Variants in NUBP1 observed in about 807,000 individuals in gnomAD.
NUBP1 encodes cytosolic Fe-S cluster assembly factor NUBP1.
A neutral mutation model predicts 41.8 loss-of-function variants in NUBP1; 46 were observed. The ratio of observed to expected loss-of-function variants is 1.10; its 90% CI spans 0.87 to 1.41. The LOEUF is 1.41. NUBP1 is among the 40% of genes most tolerant of loss of function. The pLI, the probability that NUBP1 is intolerant of heterozygous loss-of-function variation, is 0.00. For missense variants in NUBP1, 494 were observed against 414.0 expected, an observed-to-expected ratio of 1.19 and a Z score of -1.68; for synonymous variants, 189 against 154.6, an observed-to-expected ratio of 1.22 and a Z score of -1.65.
chr16:10,752,068 C>T (rs1489189113), intron 3 of NUBP1, among the ~76,000 whole-genome samples: 1 of 152,178 alleles, frequency 6.6e-6, no homozygotes, highest in Non-Finnish European at 1.5e-5. Context: ...GCACCCAGCC[C>T]CCAATATTTT....
Position 10,767,877 on chromosome 16 carries a change from G to A in NUBP1, c.821-72G>A. On this transcript the variant is annotated intron_variant, in intron 9 of 10. Coordinates refer to ENST00000283027, the MANE Select transcript of NUBP1 (RefSeq NM_002484.4). This position sits in a 1 kb window ranked among gnomAD's most constrained non-coding sequence, Gnocchi z 4.6. ...CTTCCCATTGTCACCAGCACGGAAA[G>A]AGCCCCAAGATCTTGTGGCCATTCT... The A allele has an allele frequency of 1.4e-6, 2 of 1,379,484 alleles. No individual in the cohort carries two copies. The highest frequency in any genetic ancestry group is 2.3e-5 in the South Asian group (2 of 86,102). The allele number at this position is 1,379,484 out of a possible 1,614,324, so 85.5% of individuals were successfully genotyped here. A position where few individuals can be genotyped will look rare whatever the true frequency, so the allele number is the denominator to read the frequency against.
In NUBP1 at chr16:10,766,681, A is replaced by C. The variant is rs1465194847; in HGVS notation, c.821-1268A>C. On this transcript the variant is annotated intron_variant, in intron 9 of 10. Coordinates refer to ENST00000283027, the MANE Select transcript of NUBP1 (RefSeq NM_002484.4). This position sits in a 1 kb window ranked among gnomAD's most constrained non-coding sequence, Gnocchi z 4.8. Reference sequence around the variant, plus strand: ...ATTGGACAAAACGCACAAAGAAAGGAAGGAAGGAAGGGATTTATTGAAAAT... The same window carrying C: ...ATTGGACAAAACGCACAAAGAAAGGCAGGAAGGAAGGGATTTATTGAAAAT... 1 of 341,576 alleles carries C rather than the reference A, an allele frequency of 2.9e-6. No homozygotes were observed. Among genetic ancestry groups the C allele is most frequent in the Non-Finnish European group, 5.2e-6 (1 of 190,774 alleles). The allele number at this position is 341,576 out of a possible 1,614,324, so 21.2% of individuals were successfully genotyped here.
rs966896387 is a variant in NUBP1, at chr16:10,769,232, C to T, written c.*127C>T. 2.1e-5 allele frequency: 15 copies of T among 721,630 alleles called. No individual in the cohort carries two copies. Among genetic ancestry groups the T allele is most frequent in the Non-Finnish European group, 3.1e-5 (13 of 419,414 alleles). 44.7% of individuals were successfully genotyped at this position (721,630 alleles called of 1,614,324 possible). ...AAAAGGACCAGATGCTGGTGTGGTC[C>T]GAAGCCACTTTCTCAGAGACACTTT... On this transcript the variant is annotated 3_prime_UTR_variant, in exon 11 of 11. Coordinates refer to ENST00000283027, the MANE Select transcript of NUBP1 (RefSeq NM_002484.4).
chr16:10,756,864 G>T (rs752387444), intron 6 of NUBP1, 84 bp downstream of exon 6: 23 of 1,073,152 alleles, frequency 2.1e-5, no homozygotes, highest in Non-Finnish European at 1.8e-5. Context: ...TGTCCTGCCA[G>T]TCTCAGCCTG....
intron 3 of NUBP1, among the ~76,000 whole-genome samples, chr16:10,750,234 T>C (rs1900258203): frequency 6.6e-6 from 1 of 152,134 alleles, no homozygotes; most frequent in South Asian, 2.1e-4. Flanking sequence ...CCAACTTCCA[T>C]AAATTAAACT....
At chr16:10,752,313 G>C (rs1242567272) in intron 3 of NUBP1, among the ~76,000 whole-genome samples, 2 of 152,126 alleles carry the variant, frequency 1.3e-5, no homozygotes, top group African/African-American at 2.4e-5. Context: ...CCTCCAACCA[G>C]GGCTCAGTAA....
rs758741535 is a variant in NUBP1 at position 10,767,935 on chromosome 16, G to A, written c.821-14G>A. 1 of 1,613,600 alleles carries A rather than the reference G, an allele frequency of 6.2e-7. No homozygotes were observed. The highest frequency in any genetic ancestry group is 1.7e-5 in the Admixed American group (1 of 60,016). ...TCTTGGACTGAATTGTCTTCCGTTT[G>A]TTTCTTTTTTAAGGTAAGAATTGTG... On this transcript the variant is annotated splice_polypyrimidine_tract_variant and intron_variant, in intron 9 of 10. Coordinates refer to ENST00000283027, the MANE Select transcript of NUBP1 (RefSeq NM_002484.4). This position sits in a 1 kb window ranked among gnomAD's most constrained non-coding sequence, Gnocchi z 4.6.
chr16:10,747,061 T>C (rs1409967058), intron 2 of NUBP1, 82 bp from the exon 3 acceptor site: 4 of 1,552,356 alleles, frequency 2.6e-6, no homozygotes, highest in Non-Finnish European at 3.5e-6. Context: ...GACTAGGACT[T>C]AGCTCTTTCT....
Position 10,744,008 on chromosome 16 carries a change from C to T in NUBP1, c.67C>T (p.Gln23Ter). The part of the protein sequence containing the change: ...SAQAGRGASC[Q>*]GCPNQRLCAS... ...CCAGGCGGGCAGAGGGGCTTCATGTCAGGGATGCCCCAACCAGCGGCTGTG... is the reference window on the plus strand; with the variant it reads ...CCAGGCGGGCAGAGGGGCTTCATGTTAGGGATGCCCCAACCAGCGGCTGTG... Residue 23 changes from glutamine to a stop codon, truncating the protein, a stop_gained, in exon 2 of 11, where the codon CAG (glutamine) becomes TAG (stop). Coordinates refer to ENST00000283027, the MANE Select transcript of NUBP1 (RefSeq NM_002484.4). LOFTEE classifies it high-confidence loss of function. 6.3e-7 allele frequency: 1 copy of T among 1,579,678 alleles called. No individual in the cohort carries two copies. The highest frequency in any genetic ancestry group is 8.6e-7 in the Non-Finnish European group (1 of 1,169,002).
rs114278799 is a variant in NUBP1, at chr16:10,759,862, T to C, written c.607-1502T>C. Among the ~76,000 whole-genome samples the C allele has an allele frequency of 0.01, 1,586 of 152,298 alleles. 16 individuals are homozygous for C. The highest frequency in any genetic ancestry group is 0.026 in the African/African-American group (1,089 of 41,562). ...CCCTTCCTCCGCATCCCAGCCTCAG[T>C]GTCAAGAGCCAAACAGGCATCTCAG... On this transcript the variant is annotated intron_variant, in intron 7 of 10. Coordinates refer to ENST00000283027, the MANE Select transcript of NUBP1 (RefSeq NM_002484.4). This position sits in a 1 kb window ranked among gnomAD's most constrained non-coding sequence, Gnocchi z 4.7.
chr16:10,763,797 C>T (rs914166848), intron 9 of NUBP1: 2 of 156,598 alleles, frequency 1.3e-5, no homozygotes, highest in Non-Finnish European at 2.8e-5. Flanking sequence ...GAGCGTTAGC[C>T]CACGATGAAG....
At chr16:10,751,678 G>A (rs1900326099) in intron 3 of NUBP1, among the ~76,000 whole-genome samples, 1 of 152,214 alleles carries the variant, frequency 6.6e-6, no homozygotes, top group Non-Finnish European at 1.5e-5. Flanking sequence ...AAGGCTTGGG[G>A]TGGAATGGGG....
intron 3 of NUBP1, among the ~76,000 whole-genome samples, chr16:10,750,217 C>T (rs984305373): frequency 6.6e-6 from 1 of 152,108 alleles, no homozygotes; most frequent in African/African-American, 2.4e-5. Flanking sequence ...GAATAAATAA[C>T]AAGTCACCAA....
In NUBP1 at chr16:10,766,580, A is replaced by G. The variant is rs1231714061; in HGVS notation, c.821-1369A>G. The G allele has an allele frequency of 1.2e-5, 2 of 168,318 alleles. No homozygotes were observed. The highest frequency in any genetic ancestry group is 6.4e-5 in the Admixed American group (1 of 15,732). The allele number at this position is 168,318 out of a possible 1,614,324, so 10.4% of individuals were successfully genotyped here. On this transcript the variant is annotated intron_variant, in intron 9 of 10. Transcript: ENST00000283027. The surrounding 1 kb of genome is among the most constrained non-coding windows in gnomAD (Gnocchi z 4.8). Reference sequence around the variant, plus strand: ...CGAACGTGCACTCAGGGGCCTCCCTAGCGAGTTCCACATGGTCTCATGGGC... The same window carrying G: ...CGAACGTGCACTCAGGGGCCTCCCTGGCGAGTTCCACATGGTCTCATGGGC...
intron 2 of NUBP1, among the ~76,000 whole-genome samples, chr16:10,744,450 GGCTCT>G (rs1899970058): frequency 6.6e-6 from 1 of 152,180 alleles, no homozygotes; most frequent in Non-Finnish European, 1.5e-5. Flanking sequence ...CTTACATCCT[GGCTCT>G]GCCAGCTACT....
chr16:10,760,682 A>T (rs566132018), intron 7 of NUBP1, among the ~76,000 whole-genome samples: 24 of 152,276 alleles, frequency 1.6e-4, no homozygotes, highest in African/African-American at 5.5e-4. Context: ...GGCTGCAGTG[A>T]GCAATGATTA....
At chr16:10,761,971 A>T (rs561080948) in intron 9 of NUBP1, 112 bp downstream of exon 9, 1 of 807,584 alleles carries the variant, frequency 1.2e-6, no homozygotes, top group Non-Finnish European at 2.0e-6. Context: ...AGGAGGGTCA[A>T]TGGGGCGCTG....
At chr16:10,753,755 G>A (rs1252502977) in intron 4 of NUBP1, among the ~76,000 whole-genome samples, 2 of 152,014 alleles carry the variant, frequency 1.3e-5, no homozygotes, top group Non-Finnish European at 2.9e-5. Context: ...TGCCCTCACT[G>A]AGGGATAGCA....
chr16:10,751,050 C>T (rs756779184), intron 3 of NUBP1, among the ~76,000 whole-genome samples: 3 of 152,168 alleles, frequency 2.0e-5, no homozygotes, highest in African/African-American at 2.4e-5. Flanking sequence ...GACCCAGGGC[C>T]GTCCTGGCCA....
Sources: gnomAD v4.1 joint callset for allele counts (sites outside exome capture counted in the v4.1 genomes callset) on GRCh38, gnomAD v4.1.1 for gene constraint, Gnocchi (gnomAD v3.1) non-coding constraint, MANE v1.5 for transcripts, NCBI Gene and HGNC (gene_info 2026-07-23, HGNC 2026-07-21) for gene names.